Variants in SHROOM3 observed in about 807,000 individuals in gnomAD.
The protein encoded by SHROOM3 is shroom family member 3.
A neutral mutation model predicts 138.6 loss-of-function variants in SHROOM3; 47 were observed. The observed-to-expected ratio is 0.34, with a 90% CI of 0.27 to 0.43. The LOEUF (loss-of-function observed/expected upper bound fraction) is 0.43, where lower values mean the gene tolerates loss of function less well. SHROOM3 is among the 20% of genes least tolerant of loss of function. SHROOM3 has a pLI of 1.00. For missense variants in SHROOM3, 2,491 were observed against 2,596.5 expected (o/e 0.96, Z 0.88); for synonymous variants, 1,062 against 1,063.3 (o/e 1.00, Z 0.02).
chr4:76,498,422 C>T (rs762738352), intron 1 of SHROOM3, among the ~76,000 whole-genome samples: 67 of 152,046 alleles, frequency 4.4e-4, no homozygotes, highest in African/African-American at 8.7e-4. Flanking sequence ...GATTAACAGA[C>T]GGACAAAATA....
intron 2 of SHROOM3, among the ~76,000 whole-genome samples, chr4:76,607,108 A>G (rs755825686): frequency 1.6e-4 from 24 of 152,316 alleles, no homozygotes; most frequent in Non-Finnish European, 2.6e-4. Flanking sequence ...CCATTCAAAT[A>G]CAAACAAATA....
intron 2 of SHROOM3, among the ~76,000 whole-genome samples, chr4:76,648,881 G>A (rs1046055138): frequency 1.6e-4 from 25 of 152,030 alleles, no homozygotes; most frequent in African/African-American, 5.3e-4. Context: ...ATGATGGGGG[G>A]AGCTGTATAG....
chr4:76,555,574 T>G (rs1251719110), intron 1 of SHROOM3, 35 bp from the exon 2 acceptor site: 1 of 1,611,642 alleles, frequency 6.2e-7, no homozygotes, highest in Admixed American at 1.7e-5. Context: ...AGGGGAAAGC[T>G]CACTCGTGGC....
chr4:76,657,357 G>A (rs894554392), intron 2 of SHROOM3, among the ~76,000 whole-genome samples: 1 of 152,134 alleles, frequency 6.6e-6, no homozygotes, highest in African/African-American at 2.4e-5. Flanking sequence ...CATTGTGAGA[G>A]GCAGAGTGAA....
intron 3 of SHROOM3, among the ~76,000 whole-genome samples, chr4:76,711,205 C>T (rs1720219775): frequency 6.6e-6 from 1 of 152,090 alleles, no homozygotes; most frequent in Non-Finnish European, 1.5e-5. Context: ...CTAGATTCTG[C>T]CACTTACCAT....
intron 1 of SHROOM3, among the ~76,000 whole-genome samples, chr4:76,486,150 G>A (rs1381511137): frequency 6.6e-6 from 1 of 152,194 alleles, no homozygotes; most frequent in Non-Finnish European, 1.5e-5. Flanking sequence ...GAAAGGAAGT[G>A]AATACAATGT....
intron 1 of SHROOM3, among the ~76,000 whole-genome samples, chr4:76,536,543 C>G (rs4859692): frequency 6.6e-6 from 1 of 151,392 alleles, no homozygotes; most frequent in Non-Finnish European, 1.5e-5. Context: ...AATCAGACAG[C>G]TGACTCTAGA....
chr4:76,638,457 G>C (rs755503065), intron 2 of SHROOM3, among the ~76,000 whole-genome samples: 1 of 152,184 alleles, frequency 6.6e-6, no homozygotes, highest in Non-Finnish European at 1.5e-5. Context: ...GGCGAGGCAG[G>C]AGGATCGCTT....
intron 2 of SHROOM3, among the ~76,000 whole-genome samples, chr4:76,676,494 A>G (rs958726177): frequency 6.6e-6 from 1 of 152,134 alleles, no homozygotes; most frequent in Admixed American, 6.5e-5. Context: ...TGAATGATGC[A>G]GTTTTGAACA....
intron 6 of SHROOM3, among the ~76,000 whole-genome samples, chr4:76,750,701 G>A (rs1721592815): frequency 6.6e-6 from 1 of 152,122 alleles, no homozygotes. Context: ...GAAGGTGACA[G>A]GTGAGGGGGG....
intron 3 of SHROOM3, among the ~76,000 whole-genome samples, chr4:76,724,539 A>G (rs1193045534): frequency 2.0e-5 from 3 of 152,214 alleles, no homozygotes; most frequent in Admixed American, 2.0e-4. Flanking sequence ...TGCGTATAGT[A>G]TAAAATTTGA....
chr4:76,720,766 C>T (rs1297017165), intron 3 of SHROOM3, among the ~76,000 whole-genome samples: 1 of 151,594 alleles, frequency 6.6e-6, no homozygotes, highest in South Asian at 2.1e-4. Flanking sequence ...CACGCACCAC[C>T]ACACCCCGCT....
chr4:76,437,692 G>T (rs1011815422), intron 1 of SHROOM3, among the ~76,000 whole-genome samples: 2 of 152,110 alleles, frequency 1.3e-5, no homozygotes, highest in Non-Finnish European at 2.9e-5. Flanking sequence ...CTACAATAAG[G>T]ACCTACTCTT....
intron 2 of SHROOM3, among the ~76,000 whole-genome samples, chr4:76,634,244 C>A (rs567184032): frequency 6.6e-6 from 1 of 152,124 alleles, no homozygotes; most frequent in Non-Finnish European, 1.5e-5. Flanking sequence ...CCTCTTACTT[C>A]GTGCATAGAA....
At chr4:76,593,791 A>G (rs948601116) in intron 2 of SHROOM3, among the ~76,000 whole-genome samples, 3 of 152,140 alleles carry the variant, frequency 2.0e-5, no homozygotes, top group Non-Finnish European at 4.4e-5. Context: ...TAGAAGCCCT[A>G]TTTCACTTAG....
chr4:76,744,079 A>C (rs1721352154), intron 5 of SHROOM3, among the ~76,000 whole-genome samples: 1 of 152,180 alleles, frequency 6.6e-6, no homozygotes, highest in Non-Finnish European at 1.5e-5. Context: ...TTCCCCCCAA[A>C]TATTTCTTAA....
At chr4:76,753,346 G>A (rs1183431170) in intron 6 of SHROOM3, among the ~76,000 whole-genome samples, 2 of 152,216 alleles carry the variant, frequency 1.3e-5, no homozygotes, top group African/African-American at 2.4e-5. Context: ...CCTGGCACTT[G>A]GATGATCTTG....
intron 2 of SHROOM3, among the ~76,000 whole-genome samples, chr4:76,685,098 G>A (rs945381983): frequency 1.3e-5 from 2 of 152,110 alleles, no homozygotes; most frequent in African/African-American, 2.4e-5. Flanking sequence ...CACATCATTC[G>A]TTCCTCCTAA....
At chr4:76,719,692 A>C (rs1001818209) in intron 3 of SHROOM3, among the ~76,000 whole-genome samples, 2 of 124,640 alleles carry the variant, frequency 1.6e-5, no homozygotes, top group African/African-American at 7.1e-5. Context: ...ACCCCCCGGC[A>C]ATTGAATGAA....
Sources: gnomAD v4.1 joint callset for allele counts (sites outside exome capture counted in the v4.1 genomes callset) on GRCh38, gnomAD v4.1.1 for gene constraint, MANE v1.5 for transcripts, NCBI Gene and HGNC (gene_info 2026-07-23, HGNC 2026-07-21) for gene names.